DCC: variants seen among roughly 807,000 people sequenced by gnomAD.
DCC encodes the protein netrin receptor DCC.
In DCC, 58 loss-of-function variants were observed where a neutral mutation model predicts 172.5. The ratio of observed to expected loss-of-function variants is 0.34; its 90% confidence interval spans 0.27 to 0.42. The LOEUF is 0.42. DCC is among the 10% of genes least tolerant of loss of function. The pLI, the probability that DCC is intolerant of heterozygous loss-of-function variation, is 1.00. For synonymous variants in DCC, 709 were observed against 644.5 expected (o/e 1.10, Z -1.52); for missense variants, 1,740 against 1,791.0 (o/e 0.97, Z 0.51).
chr18:52,803,396 T>C (rs1337150131), intron 2 of DCC, among the ~76,000 whole-genome samples: 1 of 152,150 alleles, frequency 6.6e-6, no homozygotes, highest in African/African-American at 2.4e-5. Flanking sequence ...ATCACAGTAG[T>C]ACAATGTGTA....
intron 1 of DCC, among the ~76,000 whole-genome samples, chr18:52,366,576 C>A (rs1568134948): frequency 1.3e-5 from 2 of 151,758 alleles, no homozygotes; most frequent in Non-Finnish European, 2.9e-5. Context: ...CAGGGCACCA[C>A]CAGAGCAGCT....
intron 1 of DCC, among the ~76,000 whole-genome samples, chr18:52,546,554 T>A (rs533605228): frequency 6.6e-6 from 1 of 152,184 alleles, no homozygotes; most frequent in Non-Finnish European, 1.5e-5. Context: ...GATGAAAAGA[T>A]GTTACTGCTG....
intron 1 of DCC, among the ~76,000 whole-genome samples, chr18:52,708,441 CAA>C (rs10605224): frequency 0.7 from 95,737 of 136,058 alleles, 34,997 homozygotes; most frequent in Non-Finnish European, 0.83. Flanking sequence ...GACTCTGTCT[CAA>C]AAAAAAAAAA....
chr18:53,073,652 A>G lies in DCC; in HGVS notation c.1261+7486A>G, dbSNP rs950293300. Among the ~76,000 whole-genome samples the G allele has an allele frequency of 2.6e-5, 4 of 152,120 alleles. No individual in the cohort carries two copies. The East Asian group carries it at 7.7e-4, about 29-fold the overall frequency. On this transcript the variant is annotated intron_variant, in intron 7 of 28. Transcript: ENST00000442544. ...GGAAATATATTGGTTAGACGTTTAG[A>G]AAAATGAGAAGCATTATCAATTATC...
chr18:53,271,596 C>T, intron 12 of DCC, among the ~76,000 whole-genome samples: 1 of 152,164 alleles, frequency 6.6e-6, no homozygotes, highest in East Asian at 1.9e-4. Flanking sequence ...CCATGGACCT[C>T]TCCATAGGGC....
chr18:53,387,321 G>T (rs1190353167), intron 16 of DCC, among the ~76,000 whole-genome samples: 1 of 152,054 alleles, frequency 6.6e-6, no homozygotes, highest in African/African-American at 2.4e-5. Flanking sequence ...TCACTATATT[G>T]ATTTTAGTAG....
rs545583372 is a variant in DCC, at chr18:53,238,503, T to G, written c.1911+22906T>G. ...ACAAAGAATCAGAGATATTGATATT[T>G]GTCCAAGCACTCACACATTTCAGGG... On this transcript the variant is annotated intron_variant, in intron 12 of 28. Coordinates refer to ENST00000442544, the MANE Select transcript of DCC (RefSeq NM_005215.4). 2.0e-5 allele frequency among the ~76,000 whole-genome samples: 3 copies of G among 152,200 alleles called. No homozygotes were observed. In the South Asian group the frequency reaches 6.2e-4, roughly 32 times the overall value.
chr18:52,502,259 TAAAG>T (rs1387475470), intron 1 of DCC, among the ~76,000 whole-genome samples: 1 of 151,948 alleles, frequency 6.6e-6, no homozygotes, highest in Non-Finnish European at 1.5e-5. Flanking sequence ...ATGCAGTAAA[TAAAG>T]AAAAAAATGT....
chr18:53,462,717 G>A (rs1446874188), intron 24 of DCC, among the ~76,000 whole-genome samples: 1 of 152,112 alleles, frequency 6.6e-6, no homozygotes, highest in Non-Finnish European at 1.5e-5. Context: ...GGGAATGGCT[G>A]CTTTGTGGGG....
intron 1 of DCC, among the ~76,000 whole-genome samples, chr18:52,565,142 C>T (rs978841991): frequency 1.3e-5 from 2 of 152,064 alleles, no homozygotes; most frequent in Admixed American, 1.3e-4. Flanking sequence ...TACTTTTAAA[C>T]ATTTATATTT....
At chr18:52,408,315 T>A (rs975803182) in intron 1 of DCC, among the ~76,000 whole-genome samples, 1 of 151,794 alleles carries the variant, frequency 6.6e-6, no homozygotes, top group Admixed American at 6.6e-5. Context: ...ACATTTTAAT[T>A]TTTTTAAGCT....
chr18:52,776,893 G>A (rs1015313350), intron 2 of DCC, among the ~76,000 whole-genome samples: 1 of 152,118 alleles, frequency 6.6e-6, no homozygotes, highest in African/African-American at 2.4e-5. Context: ...CTCAGAAAGT[G>A]TCTCAAATCT....
chr18:53,200,090 A>T (rs2055512839), intron 9 of DCC, among the ~76,000 whole-genome samples: 1 of 152,218 alleles, frequency 6.6e-6, no homozygotes. Context: ...TAAATGATCC[A>T]GAAGAGTGCA....
At chr18:53,072,450 G>A (rs1013500258) in intron 7 of DCC, among the ~76,000 whole-genome samples, 7 of 152,126 alleles carry the variant, frequency 4.6e-5, no homozygotes, top group African/African-American at 1.7e-4. Context: ...GGTTCTAGAT[G>A]TTGCATGGCA....
intron 5 of DCC, among the ~76,000 whole-genome samples, chr18:53,062,870 A>C (rs944875364): frequency 1.3e-5 from 2 of 152,142 alleles, no homozygotes; most frequent in African/African-American, 4.8e-5. Flanking sequence ...ATCCTAATGA[A>C]ACTCTAGAAT....
intron 21 of DCC, among the ~76,000 whole-genome samples, chr18:53,425,366 T>C (rs1196827068): frequency 7.4e-6 from 1 of 135,612 alleles, no homozygotes; most frequent in African/African-American, 2.6e-5. Flanking sequence ...TCTTTTTTTT[T>C]TTTTTTTTTT....
intron 1 of DCC, among the ~76,000 whole-genome samples, chr18:52,382,483 G>C (rs140019714): frequency 0.01 from 1,534 of 152,106 alleles, 18 homozygotes; most frequent in South Asian, 0.021. Flanking sequence ...AGAACATTTT[G>C]GTAAAACTTA....
intron 1 of DCC, among the ~76,000 whole-genome samples, chr18:52,607,440 C>T (rs887010324): frequency 6.6e-6 from 1 of 152,056 alleles, no homozygotes. Context: ...TGGGCAAAGT[C>T]TAAAGGTAAT....
chr18:53,488,344 C>G (rs2045925113), intron 26 of DCC, among the ~76,000 whole-genome samples: 1 of 151,996 alleles, frequency 6.6e-6, no homozygotes, highest in Non-Finnish European at 1.5e-5. Context: ...CACTGCAATC[C>G]AGCCTGGGTG....
Sources: gnomAD v4.1 joint callset for allele counts (sites outside exome capture counted in the v4.1 genomes callset) on GRCh38, gnomAD v4.1.1 for gene constraint, MANE v1.5 for transcripts, NCBI Gene and HGNC (gene_info 2026-07-23, HGNC 2026-07-21) for gene names.